The following UTRN variants were observed in gnomAD, a reference collection of about 807,000 sequenced individuals.
The protein encoded by UTRN is utrophin, also known as dystrophin-related protein 1.
UTRN carries 283 observed loss-of-function variants against 463.9 expected under a neutral mutation model. The observed-to-expected ratio is 0.61, with a 90% CI of 0.55 to 0.67. The LOEUF (loss-of-function observed/expected upper bound fraction) is 0.67, where lower values mean the gene tolerates loss of function less well. Among genes scored for constraint, UTRN ranks in the 30% least tolerant of loss-of-function variants. UTRN has a pLI of 0.00. For missense variants in UTRN, 3,922 were observed against 4,084.3 expected, an observed-to-expected ratio of 0.96 and a Z score of 1.08; for synonymous variants, 1,442 against 1,431.5, an observed-to-expected ratio of 1.01 and a Z score of -0.17.
At chr6:144,769,766 G>C (rs1461558202) in intron 58 of UTRN, among the ~76,000 whole-genome samples, 1 of 152,096 alleles carries the variant, frequency 6.6e-6, no homozygotes, top group Non-Finnish European at 1.5e-5. Flanking sequence ...TGTTGTCGTG[G>C]GGATTGAAAT....
intron 51 of UTRN, among the ~76,000 whole-genome samples, chr6:144,607,708 GTA>G (rs1268432549): frequency 2.6e-5 from 4 of 152,094 alleles, no homozygotes; most frequent in Non-Finnish European, 5.9e-5. Context: ...AAAAACTTCT[GTA>G]TAAACTACAG....
At chr6:144,552,744 A>T (rs1799036675) in intron 48 of UTRN, among the ~76,000 whole-genome samples, 1 of 152,168 alleles carries the variant, frequency 6.6e-6, no homozygotes, top group Non-Finnish European at 1.5e-5. Flanking sequence ...AATGAATGGG[A>T]TAATTTGCCT....
In UTRN at chr6:144,444,348, T is replaced by A; in HGVS notation, c.1580T>A (p.Ile527Asn). ...GAACGCTGGAATAGGTTACAAGAAA[T>A]CAATATATTGTGGCAGGAATTATTG... Reference protein sequence around the residue: ...TEERWNRLQEINILWQELLEE... With the variant: ...TEERWNRLQENNILWQELLEE... The change falls in exon 14 of 75, where the codon ATC (isoleucine) becomes AAC (asparagine). Residue 527 changes from isoleucine to asparagine, a missense_variant. Ile to Asn is a moderately radical substitution (Grantham distance 149). Transcript: ENST00000367545. 6.2e-7 allele frequency: 1 copy of A among 1,610,594 alleles called. No individual in the cohort carries two copies. Among genetic ancestry groups the A allele is most frequent in the Non-Finnish European group, 8.5e-7 (1 of 1,177,916 alleles).
intron 65 of UTRN, among the ~76,000 whole-genome samples, chr6:144,816,974 T>C (rs1329072029): frequency 6.6e-6 from 1 of 152,160 alleles, no homozygotes; most frequent in Non-Finnish European, 1.5e-5. Context: ...AAATTTAGGA[T>C]GCAATATTAG....
chr6:144,406,413 G>A (rs1020423241), intron 3 of UTRN, among the ~76,000 whole-genome samples: 2 of 140,618 alleles, frequency 1.4e-5, no homozygotes, highest in Admixed American at 7.8e-5. Context: ...AGTCTGGAGT[G>A]CAGTGGTGCA....
intron 2 of UTRN, among the ~76,000 whole-genome samples, chr6:144,383,314 T>C (rs774920112): frequency 6.6e-6 from 1 of 152,228 alleles, no homozygotes; most frequent in Non-Finnish European, 1.5e-5. Context: ...CTGAATTTCT[T>C]TCCTCAGACT....
chr6:144,433,317 GA>G (rs1325773297), intron 9 of UTRN, among the ~76,000 whole-genome samples: 16 of 143,376 alleles, frequency 1.1e-4, no homozygotes, highest in African/African-American at 3.0e-4. Flanking sequence ...GTGGGGGGCT[GA>G]ACCCCCCACC....
At chr6:144,627,387 T>A (rs1562671074) in intron 51 of UTRN, among the ~76,000 whole-genome samples, 1 of 152,244 alleles carries the variant, frequency 6.6e-6, no homozygotes, top group African/African-American at 2.4e-5. Context: ...TGATAACCCT[T>A]ATCTTTCTGT....
intron 49 of UTRN, 65 bp from the exon 50 acceptor site, chr6:144,557,092 T>C (rs917592998): frequency 5.8e-6 from 9 of 1,541,864 alleles, no homozygotes; most frequent in African/African-American, 4.1e-5. Flanking sequence ...GGGAGTACCA[T>C]TGTTTTGATT....
intron 10 of UTRN, among the ~76,000 whole-genome samples, chr6:144,436,578 G>T (rs1786552247): frequency 6.6e-6 from 1 of 151,628 alleles, no homozygotes; most frequent in Non-Finnish European, 1.5e-5. Context: ...GCTCCTTTGA[G>T]GACATACTAT....
At chr6:144,339,688 A>G (rs1023530020) in intron 2 of UTRN, among the ~76,000 whole-genome samples, 1 of 152,224 alleles carries the variant, frequency 6.6e-6, no homozygotes, top group Non-Finnish European at 1.5e-5. Context: ...GAGAGTATCT[A>G]TGAGCAGAAG....
At chr6:144,543,551 A>C in intron 46 of UTRN, among the ~76,000 whole-genome samples, 1 of 150,392 alleles carries the variant, frequency 6.6e-6, no homozygotes, top group Non-Finnish European at 1.5e-5. Flanking sequence ...CTGTCCACTC[A>C]CTCCCTGACA....
intron 51 of UTRN, among the ~76,000 whole-genome samples, chr6:144,646,852 T>C (rs1436942664): frequency 3.3e-5 from 5 of 152,178 alleles, no homozygotes; most frequent in Non-Finnish European, 7.4e-5. Flanking sequence ...GCACACCTGT[T>C]CCTAATATTC....
chr6:144,414,851 G>A (rs1361029396), intron 3 of UTRN, among the ~76,000 whole-genome samples: 1 of 152,094 alleles, frequency 6.6e-6, no homozygotes, highest in Non-Finnish European at 1.5e-5. Flanking sequence ...GCGTAGCTGG[G>A]ATTACAAGTG....
intron 51 of UTRN, among the ~76,000 whole-genome samples, chr6:144,657,896 G>T (rs1779493410): frequency 6.6e-6 from 1 of 152,074 alleles, no homozygotes; most frequent in South Asian, 2.1e-4. Flanking sequence ...TTTTGTGTGT[G>T]TGGTGGTGGT....
At chr6:144,430,029 A>G (rs970017248) in intron 9 of UTRN, among the ~76,000 whole-genome samples, 10 of 152,194 alleles carry the variant, frequency 6.6e-5, no homozygotes, top group African/African-American at 2.4e-4. Flanking sequence ...ATGTTTTCAC[A>G]TCATCTGGTT....
At chr6:144,544,435 C>T (rs1798227009) in intron 46 of UTRN, among the ~76,000 whole-genome samples, 1 of 152,012 alleles carries the variant, frequency 6.6e-6, no homozygotes, top group African/African-American at 2.4e-5. Flanking sequence ...ACTCCCAGCC[C>T]CTGGCAACCA....
rs1223828037 is a variant in UTRN at position 144,579,815 on chromosome 6, G to A, written c.7479+2527G>A. ...AAGTAATAAAGAGGACATTTACTAA[G>A]AGTCCACTAAAATTCCTTTGTTTAA... On this transcript the variant is annotated intron_variant, in intron 51 of 74. Coordinates refer to ENST00000367545, the MANE Select transcript of UTRN (RefSeq NM_007124.3). Among the ~76,000 whole-genome samples the A allele has an allele frequency of 2.0e-5, 3 of 152,084 alleles. No homozygotes were observed. In the South Asian group the frequency reaches 6.2e-4, roughly 32 times the overall value.
chr6:144,546,490 T>C (rs1354538773), intron 46 of UTRN, among the ~76,000 whole-genome samples: 1 of 152,130 alleles, frequency 6.6e-6, no homozygotes, highest in Non-Finnish European at 1.5e-5. Context: ...TTAACAAAAA[T>C]AGCATGTTTT....
Sources: allele counts gnomAD v4.1 joint callset (sites outside exome capture counted in the v4.1 genomes callset), GRCh38; gene constraint gnomAD v4.1.1; transcripts MANE v1.5; gene names NCBI Gene and HGNC (gene_info 2026-07-23, HGNC 2026-07-21).